The following MRTFB variants were observed in gnomAD, a reference collection of about 807,000 sequenced individuals.
MRTFB encodes myocardin-related transcription factor B.
In MRTFB, 29 loss-of-function variants were observed where a neutral mutation model predicts 104.2. That is an observed-to-expected ratio of 0.28 (90% CI 0.21 to 0.38). MRTFB has a LOEUF of 0.38. Among genes scored for constraint, MRTFB ranks in the 10% least tolerant of loss-of-function variants. The probability of loss-of-function intolerance (pLI) is 1.00; values close to 1 mark genes in which losing one functional copy is unlikely to be tolerated. For synonymous variants in MRTFB, 535 were observed against 519.5 expected (o/e 1.03, Z -0.41); for missense variants, 1,270 against 1,341.6 (o/e 0.95, Z 0.83).
chr16:14,125,888 G>A (rs1330453641), intron 2 of MRTFB, among the ~76,000 whole-genome samples: 11 of 152,096 alleles, frequency 7.2e-5, no homozygotes, highest in African/African-American at 2.4e-4. Context: ...AAGAGTTTGC[G>A]GAACACAGAA....
intron 3 of MRTFB, among the ~76,000 whole-genome samples, chr16:14,157,039 T>C (rs2038853967): frequency 6.6e-6 from 1 of 152,248 alleles, no homozygotes; most frequent in Non-Finnish European, 1.5e-5. Flanking sequence ...TTTGGAAATT[T>C]ACATGCATAT....
intron 3 of MRTFB, chr16:14,186,973 A>G (rs767154767): frequency 7.5e-6 from 12 of 1,597,884 alleles, no homozygotes; most frequent in Non-Finnish European, 1.0e-5. Flanking sequence ...ACTGCTGGGG[A>G]TTTTGAACCA....
chr16:14,090,813 A>T (rs2035011662), intron 2 of MRTFB, among the ~76,000 whole-genome samples: 1 of 151,926 alleles, frequency 6.6e-6, no homozygotes, highest in Admixed American at 6.6e-5. Flanking sequence ...GACGACTCTG[A>T]TGCCTAAAAG....
At chr16:14,176,357 G>C (rs1223921298) in intron 3 of MRTFB, among the ~76,000 whole-genome samples, 2 of 152,166 alleles carry the variant, frequency 1.3e-5, no homozygotes, top group Non-Finnish European at 2.9e-5. Context: ...TGGGGTAAGG[G>C]GTTTCGGAAA....
At chr16:14,043,938 T>G in the MRTFB span, among the ~76,000 whole-genome samples, 1 of 152,228 alleles carries the variant, frequency 6.6e-6, no homozygotes, top group Admixed American at 6.5e-5. Context: ...ATAGGAGCAC[T>G]CAGTAGTGAC....
At chr16:14,252,632 A>G in intron 15 of MRTFB, 130 bp downstream of exon 15, 7 of 1,126,926 alleles carry the variant, frequency 6.2e-6, no homozygotes, top group Non-Finnish European at 8.4e-6. Flanking sequence ...ATAACCTTGT[A>G]TTTTACATGG....
the MRTFB span, among the ~76,000 whole-genome samples, chr16:14,033,735 T>A: frequency 6.7e-6 from 1 of 148,198 alleles, no homozygotes. Flanking sequence ...TACTTGGGAG[T>A]CTGAGGCAGG....
rs909045917 is a variant in MRTFB, at chr16:14,177,920, G to GTA, written c.155-32322_155-32321insAT. Among the ~76,000 whole-genome samples, 3 of 151,566 alleles carry GTA rather than the reference G, an allele frequency of 2.0e-5. No individual in the cohort carries two copies. The highest frequency in any genetic ancestry group is 2.9e-5 in the Non-Finnish European group (2 of 67,926). On this transcript the variant is annotated intron_variant, in intron 3 of 16. Coordinates refer to ENST00000571589, the MANE Select transcript of MRTFB (RefSeq NM_001308142.2). This position sits in a 1 kb window ranked among gnomAD's most constrained non-coding sequence, Gnocchi z 4.7. ...AGAGGTAGGGTGTGTGTGTGTGTGT[G>GTA]TGTGTGTGTGTGTGTGCACGCATTG...
chr16:14,222,279 T>A (rs954616802), intron 8 of MRTFB, among the ~76,000 whole-genome samples: 1 of 152,178 alleles, frequency 6.6e-6, no homozygotes, highest in African/African-American at 2.4e-5. Context: ...TTATTACTCA[T>A]TTTGTGCTGC....
At chr16:14,132,505 C>G (rs1026953004) in intron 2 of MRTFB, among the ~76,000 whole-genome samples, 7 of 152,180 alleles carry the variant, frequency 4.6e-5, no homozygotes, top group Non-Finnish European at 1.0e-4. Context: ...TGTATTTCTA[C>G]TACCTGCTAA....
At chr16:14,214,439 T>A (rs1046343195) in intron 6 of MRTFB, among the ~76,000 whole-genome samples, 2 of 152,182 alleles carry the variant, frequency 1.3e-5, no homozygotes, top group Non-Finnish European at 2.9e-5. Flanking sequence ...ATGATAGGAT[T>A]AGAGTTAGTA....
chr16:14,129,253 GC>G (rs2037317893), intron 2 of MRTFB, among the ~76,000 whole-genome samples: 1 of 151,936 alleles, frequency 6.6e-6, no homozygotes, highest in Non-Finnish European at 1.5e-5. Flanking sequence ...TTGTAAAGCA[GC>G]CTTACTGAGG....
At chr16:14,078,278 A>G (rs1446440788) in intron 1 of MRTFB, among the ~76,000 whole-genome samples, 2 of 152,212 alleles carry the variant, frequency 1.3e-5, no homozygotes, top group Admixed American at 6.5e-5. Flanking sequence ...CCAACAAAAT[A>G]CTGGCAAAGA....
chr16:14,150,379 G>A (rs1043191878), intron 3 of MRTFB, among the ~76,000 whole-genome samples: 3 of 152,122 alleles, frequency 2.0e-5, no homozygotes, highest in African/African-American at 7.2e-5. Flanking sequence ...ACTGACCCCC[G>A]TGCAGTAAAA....
intron 3 of MRTFB, among the ~76,000 whole-genome samples, chr16:14,166,217 C>CTTTTTTTTT (rs35113283): frequency 1.8e-5 from 2 of 112,540 alleles, no homozygotes; most frequent in Middle Eastern, 4.9e-3. Context: ...GTTTTCTTTT[C>CTTTTTTTTT]TTTTTTTTTT....
chr16:14,180,711 C>T, intron 3 of MRTFB, among the ~76,000 whole-genome samples: 1 of 152,236 alleles, frequency 6.6e-6, no homozygotes, highest in South Asian at 2.1e-4. Context: ...CGAGCACAGG[C>T]CTGTCATGGG....
At position 14,246,824 on chromosome 16, in the gene MRTFB, A is replaced by G. The variant is rs370802100; in HGVS notation, c.1564A>G (p.Met522Val). The change falls in exon 12 of 17, where the codon ATG becomes GTG. Residue 522 changes from methionine (M) to valine (V), a missense_variant. By Grantham distance (21) the Met-to-Val change is conservative. Transcript: ENST00000571589. ...QSSLSTDDTN[M>V]ADTFTEIMTM... Reference sequence around the variant, plus strand: ...CAGTCTCAGTACTGATGACACAAACATGGCAGACACTTTCACCGAGATTAT... The same window carrying G: ...CAGTCTCAGTACTGATGACACAAACGTGGCAGACACTTTCACCGAGATTAT... The G allele has an allele frequency of 1.9e-6, 3 of 1,612,988 alleles. No individual in the cohort carries two copies. Among genetic ancestry groups the G allele is most frequent in the East Asian group, 2.2e-5 (1 of 44,882 alleles).
At chr16:14,028,960 T>C in the MRTFB span, among the ~76,000 whole-genome samples, 1 of 152,114 alleles carries the variant, frequency 6.6e-6, no homozygotes, top group African/African-American at 2.4e-5. Flanking sequence ...ATGTCTCCTT[T>C]GTATCTAGCT....
At chr16:14,200,501 A>G (rs1040461465) in intron 3 of MRTFB, 1 of 1,610,480 alleles carries the variant, frequency 6.2e-7, no homozygotes, top group African/African-American at 1.3e-5. Flanking sequence ...CAGTGCAATC[A>G]TCGTCTGTCT....
Sources: allele counts gnomAD v4.1 joint callset (sites outside exome capture counted in the v4.1 genomes callset), GRCh38; gene constraint gnomAD v4.1.1; non-coding constraint Gnocchi (gnomAD v3.1); transcripts MANE v1.5; gene names NCBI Gene and HGNC (gene_info 2026-07-23, HGNC 2026-07-21).